The following VARS2 variants were observed in gnomAD, a reference collection of about 807,000 sequenced individuals.
VARS2 encodes valyl-tRNA synthetase 2, mitochondrial, also known as valine--tRNA ligase, mitochondrial.
In VARS2, 105 loss-of-function variants were observed where a neutral mutation model predicts 154.1. That is an observed-to-expected ratio of 0.68 (90% confidence interval 0.58 to 0.80). The LOEUF is 0.80. Among genes scored for constraint, VARS2 ranks in the 30% least tolerant of loss-of-function variants. The pLI is 0.00. For missense variants in VARS2, 1,157 were observed against 1,361.4 expected (o/e 0.85, Z 2.36); for synonymous variants, 483 against 539.5 (o/e 0.90, Z 1.45).
Position 30,917,201 on chromosome 6 carries a change from A to C in VARS2, c.850A>C (p.Arg284=). The C allele has an allele frequency of 6.2e-7, 1 of 1,614,192 alleles. No homozygotes were observed. The highest frequency in any genetic ancestry group is 8.5e-7 in the Non-Finnish European group (1 of 1,180,032). The change falls in exon 9 of 30, where the codon AGA becomes CGA. Residue 284 remains arginine, a synonymous_variant. Transcript: ENST00000676266. The surrounding 1 kb of genome is among the most constrained non-coding windows in gnomAD (Gnocchi z 4.4). Reference sequence around the variant, plus strand: ...GCTTGTCAACTGGTCATGTGCTTTAAGATCAGCCATCTCGGACATTGAGGT... The same window carrying C: ...GCTTGTCAACTGGTCATGTGCTTTACGATCAGCCATCTCGGACATTGAGGT... ...HQLVNWSCAL[R]SAISDIEVEN...
At chr6:30,923,079 G>C (rs772625825) in intron 23 of VARS2, 25 bp from the exon 24 acceptor site, 3 of 1,612,196 alleles carry the variant, frequency 1.9e-6, no homozygotes, top group African/African-American at 1.3e-5. Flanking sequence ...CCTACATGCA[G>C]ACTACCTCGA....
chr6:30,914,617 C>T (rs1794026689), intron 1 of VARS2, 193 bp from the exon 2 acceptor site: 10 of 1,152,388 alleles, frequency 8.7e-6, no homozygotes, highest in Non-Finnish European at 1.2e-5. Flanking sequence ...CGGAAGAGCC[C>T]TGATATCCGT....
chr6:30,920,527 C>T lies in VARS2; in HGVS notation c.1397+91C>T. On this transcript the variant is annotated intron_variant, in intron 14 of 29. Transcript: ENST00000676266. The surrounding 1 kb of genome is among the most constrained non-coding windows in gnomAD (Gnocchi z 4.6). ...ACAATAGGATGGGCTCTGCACCCCT[C>T]CGTTAGAATACGAGCTCCGTGTCGG... 7.2e-7 allele frequency: 1 copy of T among 1,386,782 alleles called. No homozygotes were observed. Among genetic ancestry groups the T allele is most frequent in the Non-Finnish European group, 9.8e-7 (1 of 1,023,792 alleles). The allele number at this position is 1,386,782 out of a possible 1,614,324, so 85.9% of individuals were successfully genotyped here. A position where few individuals can be genotyped will look rare whatever the true frequency, so the allele number is the denominator to read the frequency against.
At chr6:30,918,253 A>G (rs562167711) in intron 10 of VARS2, among the ~76,000 whole-genome samples, 2 of 152,222 alleles carry the variant, frequency 1.3e-5, no homozygotes, top group Non-Finnish European at 2.9e-5. Flanking sequence ...TTTTTAGTAG[A>G]GACGGGGTTT....
rs1173428572 is a variant in VARS2, at chr6:30,925,644, C to G, written c.2886C>G (p.Pro962=). 9.3e-6 allele frequency: 15 copies of G among 1,611,000 alleles called. No individual in the cohort carries two copies. Among genetic ancestry groups the G allele is most frequent in the Non-Finnish European group, 1.3e-5 (15 of 1,179,764 alleles). Residue 962 remains proline, a synonymous_variant, in exon 28 of 30, where the codon CCC becomes CCG. Coordinates refer to ENST00000676266, the MANE Select transcript of VARS2 (RefSeq NM_020442.6). ...ACTGTGGGGCTGTGGGCCTGTTACCCCCAGGCGCAGCAGCTCCCTCCGGCT... is the reference window on the plus strand; with the variant it reads ...ACTGTGGGGCTGTGGGCCTGTTACCGCCAGGCGCAGCAGCTCCCTCCGGCT... ...LGYCGAVGLL[P]PGAAAPSGWA... is the part of the protein sequence containing the mutation.
At position 30,922,192 on chromosome 6, in the gene VARS2, G is replaced by T; in HGVS notation, c.1883G>T (p.Arg628Leu). The change falls in exon 20 of 30, where the codon CGC (arginine) becomes CTC (leucine). Residue 628 changes from arginine (R) to leucine (L), a missense_variant. Coordinates refer to ENST00000676266, the MANE Select transcript of VARS2 (RefSeq NM_020442.6). ...GSDLLLFWVG[R>L]MVMLGTQLTG... ...GACCTTCTGCTGTTCTGGGTGGGCC[G>T]CATGGTCATGTTGGGGACCCAGCTC... The T allele has an allele frequency of 6.2e-7, 1 of 1,612,778 alleles. No homozygotes were observed. Among genetic ancestry groups the T allele is most frequent in the Non-Finnish European group, 8.5e-7 (1 of 1,179,926 alleles).
In VARS2 at chr6:30,926,169, C is replaced by T. The variant is rs1231669873; in HGVS notation, c.3151C>T (p.Leu1051=). 24 of 1,613,024 alleles carry T rather than the reference C, an allele frequency of 1.5e-5. No homozygotes were observed. Among genetic ancestry groups the T allele is most frequent in the Middle Eastern group, 1.6e-4 (1 of 6,084 alleles). The stretch of plus-strand genomic sequence containing the variant: ...CAAGGCAGCCTCTCACCTCCGGCAG[C>T]TGATGGATGAGCCTCCAGCCCCAGG... ...LDKAASHLRQ[L]MDEPPAPGSP... The change falls in exon 30 of 30, where the codon CTG becomes TTG. Residue 1051 remains leucine, a synonymous_variant. Coordinates refer to ENST00000676266, the MANE Select transcript of VARS2 (RefSeq NM_020442.6).
Position 30,920,583 on chromosome 6 carries a change from G to T in VARS2, c.1398-85G>T. 1 of 1,371,324 alleles carries T rather than the reference G, an allele frequency of 7.3e-7. No individual in the cohort carries two copies. The highest frequency in any genetic ancestry group is 2.6e-5 in the Admixed American group (1 of 39,088). 84.9% of individuals were successfully genotyped at this position (1,371,324 alleles called of 1,614,324 possible). A position where few individuals can be genotyped will look rare whatever the true frequency, so the allele number is the denominator to read the frequency against. On this transcript the variant is annotated intron_variant, in intron 14 of 29. Coordinates refer to ENST00000676266, the MANE Select transcript of VARS2 (RefSeq NM_020442.6). This position sits in a 1 kb window ranked among gnomAD's most constrained non-coding sequence, Gnocchi z 4.6. The stretch of plus-strand genomic sequence containing the variant: ...TTCGCTATTGTATCCTCAGTACCAA[G>T]GGCCTGGCATGGCATGGGGTCTTGT...
chr6:30,920,210 G>A lies in VARS2; in HGVS notation c.1287G>A (p.Trp429Ter). The change falls in exon 13 of 30, where the codon TGG (tryptophan) becomes TGA (stop). Residue 429 changes from tryptophan (W) to a stop codon, truncating the protein, a stop_gained. Coordinates refer to ENST00000676266, the MANE Select transcript of VARS2 (RefSeq NM_020442.6). LOFTEE classifies it high-confidence loss of function. The surrounding 1 kb of genome is among the most constrained non-coding windows in gnomAD (Gnocchi z 4.6). ...DGTMTSLCGD[W>*]LQGLHRFVAR... ...CCATGACCTCCCTCTGCGGGGACTG[G>A]CTGCAGGTGGTACCACCCTATGTTA... The A allele has an allele frequency of 6.4e-7, 1 of 1,573,854 alleles. No individual in the cohort carries two copies. The highest frequency in any genetic ancestry group is 1.2e-5 in the South Asian group (1 of 84,350).
intron 25 of VARS2, 179 bp from the exon 26 acceptor site, chr6:30,924,175 A>T: frequency 1.6e-6 from 1 of 624,264 alleles, no homozygotes; most frequent in East Asian, 2.8e-5. Flanking sequence ...GCTGTCCTGG[A>T]GTCCCCTTCT....
chr6:30,924,385 C>T lies in VARS2; in HGVS notation c.2498C>T (p.Pro833Leu), dbSNP rs748548544. The T allele has an allele frequency of 1.9e-6, 3 of 1,612,532 alleles. No homozygotes were observed. The highest frequency in any genetic ancestry group is 1.7e-5 in the Admixed American group (1 of 60,024). Residue 833 changes from proline to leucine, a missense_variant, in exon 26 of 30, where the codon CCC becomes CTC. By Grantham distance (98) the Pro-to-Leu change is moderately conservative. Transcript: ENST00000676266. ...GTGAAGCCCGTGCTGTGGCACTCGC[C>T]CCGCCCCCTGGGGCCCCCTCAGGTC... ...EAVKPVLWHSPRPLGPPQVLF... is the reference protein window; with the variant it reads ...EAVKPVLWHSLRPLGPPQVLF...
Position 30,920,740 on chromosome 6 carries a change from A to G in VARS2, c.1470A>G (p.Arg490=). The change falls in exon 15 of 30, where the codon CGA becomes CGG. Residue 490 remains arginine, a synonymous_variant. Transcript: ENST00000676266. This position sits in a 1 kb window ranked among gnomAD's most constrained non-coding sequence, Gnocchi z 4.6. The part of the protein sequence containing the change: ...WFVRCQEMGA[R]AAKAVESGAL... The stretch of plus-strand genomic sequence containing the variant: ...TCCGCTGCCAGGAAATGGGGGCCCG[A>G]GCTGCCAAGGTGAGGCTGCAGTGTA... 1 of 1,594,876 alleles carries G rather than the reference A, an allele frequency of 6.3e-7. No homozygotes were observed. The highest frequency in any genetic ancestry group is 8.5e-7 in the Non-Finnish European group (1 of 1,171,382).
At chr6:30,918,977 GT>G in intron 11 of VARS2, 62 bp downstream of exon 11, 2 of 1,465,662 alleles carry the variant, frequency 1.4e-6, no homozygotes, top group Non-Finnish European at 1.9e-6. Flanking sequence ...CTTCTCTTGG[GT>G]TTTAAATGGT....
In VARS2 at chr6:30,916,156, T is replaced by A; in HGVS notation, c.578T>A (p.Val193Glu). ...SDHAGIATQA[V>E]VEKQLWKERG... ...TTGCCCTGAATCCAACTGCAGGCTG[T>A]GGTGGAGAAACAACTGTGGAAGGAA... Residue 193 changes from valine (V) to glutamate (E), a missense_variant, in exon 7 of 30, where the codon GTG becomes GAG. Val to Glu is a moderately radical substitution (Grantham distance 121). Coordinates refer to ENST00000676266, the MANE Select transcript of VARS2 (RefSeq NM_020442.6). This position sits in a 1 kb window ranked among gnomAD's most constrained non-coding sequence, Gnocchi z 4.0. 6.2e-7 allele frequency: 1 copy of A among 1,613,788 alleles called. No homozygotes were observed. The highest frequency in any genetic ancestry group is 1.1e-5 in the South Asian group (1 of 91,068).
chr6:30,921,438 G>T lies in VARS2; in HGVS notation c.1632+133G>T, dbSNP rs181464833. 7.1e-7 allele frequency: 1 copy of T among 1,413,946 alleles called. No homozygotes were observed. The highest frequency in any genetic ancestry group is 9.8e-7 in the Non-Finnish European group (1 of 1,020,450). 87.6% of individuals were successfully genotyped at this position (1,413,946 alleles called of 1,614,324 possible). A position where few individuals can be genotyped will look rare whatever the true frequency, so the allele number is the denominator to read the frequency against. The stretch of plus-strand genomic sequence containing the variant: ...TGCTCATAGTCATGTAACCTTCTGC[G>T]CGATCAAGGCTCCCTGAAGTGGCAT... On this transcript the variant is annotated intron_variant, in intron 17 of 29. Coordinates refer to ENST00000676266, the MANE Select transcript of VARS2 (RefSeq NM_020442.6). The surrounding 1 kb of genome is among the most constrained non-coding windows in gnomAD (Gnocchi z 4.6).
chr6:30,918,179 T>C (rs1794294422), intron 10 of VARS2, among the ~76,000 whole-genome samples: 1 of 152,232 alleles, frequency 6.6e-6, no homozygotes, highest in African/African-American at 2.4e-5. Context: ...GCGATTCTCC[T>C]GTCTCAGCCT....
chr6:30,920,371 T>G lies in VARS2; in HGVS notation c.1332T>G (p.Ser444=), dbSNP rs999950843. 15 of 1,613,404 alleles carry G rather than the reference T, an allele frequency of 9.3e-6. No individual in the cohort carries two copies. Among genetic ancestry groups the G allele is most frequent in the Non-Finnish European group, 1.3e-5 (15 of 1,179,710 alleles). Residue 444 remains serine (S), a synonymous_variant, in exon 14 of 30, where the codon TCT becomes TCG. Coordinates refer to ENST00000676266, the MANE Select transcript of VARS2 (RefSeq NM_020442.6). This position sits in a 1 kb window ranked among gnomAD's most constrained non-coding sequence, Gnocchi z 4.6. ...TTGTGGCCCGGGAAAAGATAATGTC[T>G]GTGCTGAGTGAATGGGGCCTGTTCC... ...HRFVAREKIM[S]VLSEWGLFRG...
chr6:30,924,590 G>C (rs1024752259), intron 26 of VARS2, 30 bp downstream of exon 26: 3 of 1,269,724 alleles, frequency 2.4e-6, no homozygotes, highest in African/African-American at 3.0e-5. Flanking sequence ...GAGTGGGTCT[G>C]TGGGTGAATG....
Position 30,926,429 on chromosome 6 carries a change from G to A in VARS2, c.*219G>A, listed in dbSNP as rs1301441305. The A allele has an allele frequency of 1.7e-6, 1 of 595,586 alleles. No individual in the cohort carries two copies. Among genetic ancestry groups the A allele is most frequent in the Admixed American group, 3.0e-5 (1 of 33,846 alleles). 36.9% of individuals were successfully genotyped at this position (595,586 alleles called of 1,614,324 possible). A position where few individuals can be genotyped will look rare whatever the true frequency, so the allele number is the denominator to read the frequency against. On this transcript the variant is annotated 3_prime_UTR_variant, in exon 30 of 30. Coordinates refer to ENST00000676266, the MANE Select transcript of VARS2 (RefSeq NM_020442.6). ...CTCCCACCTGGAAGTCTGGGAATGA[G>A]GAGATTGAGATAAACTTTTGAAATC...
Sources: allele counts gnomAD v4.1 joint callset (sites outside exome capture counted in the v4.1 genomes callset), GRCh38; gene constraint gnomAD v4.1.1; non-coding constraint Gnocchi (gnomAD v3.1); transcripts MANE v1.5; gene names NCBI Gene and HGNC (gene_info 2026-07-23, HGNC 2026-07-21).